The following EBF4 variants were observed in gnomAD, a reference collection of about 807,000 sequenced individuals.
The protein encoded by EBF4 is EBF transcription factor 4.
A neutral mutation model predicts 67.1 loss-of-function variants in EBF4; 34 were observed. That is an observed-to-expected ratio of 0.51 (90% CI 0.39 to 0.67). The LOEUF (loss-of-function observed/expected upper bound fraction) is 0.67. Ranked by LOEUF, EBF4 falls within the 30% of genes least tolerant of loss-of-function variation. The pLI is 0.00. For missense variants in EBF4, 837 were observed against 873.3 expected (o/e 0.96, Z 0.52); for synonymous variants, 387 against 377.7 (o/e 1.02, Z -0.29).
intron 6 of EBF4, among the ~76,000 whole-genome samples, chr20:2,727,888 A>G (rs2087766061): frequency 6.6e-6 from 1 of 152,128 alleles, no homozygotes; most frequent in African/African-American, 2.4e-5. Context: ...TCCGTTGCCT[A>G]TTTTTAAATT....
At chr20:2,704,793 T>A (rs2087427659) in intron 1 of EBF4, among the ~76,000 whole-genome samples, 1 of 152,258 alleles carries the variant, frequency 6.6e-6, no homozygotes, top group Non-Finnish European at 1.5e-5. Flanking sequence ...CCCCAGTTGT[T>A]GCCATGTGTC....
At chr20:2,697,283 C>T (rs946575378) in intron 1 of EBF4, among the ~76,000 whole-genome samples, 11 of 152,174 alleles carry the variant, frequency 7.2e-5, no homozygotes, top group Non-Finnish European at 8.8e-5. Flanking sequence ...CGATGGCTCA[C>T]GCCTGTAATC....
At position 2,756,508 on chromosome 20, in the gene EBF4, C is replaced by T. The variant is rs6115660; in HGVS notation, c.1738+684C>T. ...GGATGTGGGTGGGGCAGAACAGGTC[C>T]TTGTTGATGGGGATGGTGGGGGCCA... On this transcript the variant is annotated intron_variant, in intron 15 of 16. Coordinates refer to ENST00000609451, the Ensembl canonical transcript of EBF4. This position sits in a 1 kb window ranked among gnomAD's most constrained non-coding sequence, Gnocchi z 4.5. Among the ~76,000 whole-genome samples, 2 of 152,272 alleles carry T rather than the reference C, an allele frequency of 1.3e-5. No homozygotes were observed.
chr20:2,716,213 C>T (rs1255722716), intron 6 of EBF4, among the ~76,000 whole-genome samples: 2 of 140,490 alleles, frequency 1.4e-5, no homozygotes, highest in Non-Finnish European at 3.0e-5. Context: ...AGAGTAAGAC[C>T]CTGTCTTAAA....
chr20:2,711,199 ATGG>A (rs1211117448), intron 6 of EBF4, among the ~76,000 whole-genome samples: 2 of 151,292 alleles, frequency 1.3e-5, no homozygotes, highest in Non-Finnish European at 2.9e-5. Context: ...TAAAATTAAA[ATGG>A]TGGCAGGAAG....
intron 6 of EBF4, 58 bp from the exon 7 acceptor site, chr20:2,748,486 GTTGGA>G: frequency 6.7e-7 from 1 of 1,484,058 alleles, no homozygotes; most frequent in African/African-American, 1.4e-5. Context: ...GCAGGGAGCA[GTTGGA>G]TCTTCATCTG....
At chr20:2,703,576 G>A (rs1257636592) in intron 1 of EBF4, among the ~76,000 whole-genome samples, 1 of 151,958 alleles carries the variant, frequency 6.6e-6, no homozygotes, top group Non-Finnish European at 1.5e-5. Flanking sequence ...GAGGCAGCGG[G>A]ATCATTTGAG....
intron 7 of EBF4, 76 bp from the exon 8 acceptor site, chr20:2,749,325 T>C (rs2146496707): frequency 8.8e-7 from 1 of 1,131,058 alleles, no homozygotes; most frequent in African/African-American, 1.6e-5. Flanking sequence ...AGCCTCAAGG[T>C]GCTGGTTCCC....
Position 2,755,914 on chromosome 20 carries a change from C to T in EBF4, c.1738+90C>T. 1.6e-6 allele frequency: 2 copies of T among 1,255,084 alleles called. No individual in the cohort carries two copies. Among genetic ancestry groups the T allele is most frequent in the South Asian group, 2.9e-5 (2 of 68,090 alleles). The allele number at this position is 1,255,084 out of a possible 1,614,324, so 77.7% of individuals were successfully genotyped here. On this transcript the variant is annotated intron_variant, in intron 15 of 16. Transcript: ENST00000609451. The surrounding 1 kb of genome is among the most constrained non-coding windows in gnomAD (Gnocchi z 4.7). ...AGGGGCCTGCTCTGTCCACATCTCA[C>T]CAGTGCCTCATGCTGGCTAACCTGC...
At chr20:2,731,053 C>A (rs2087807520) in intron 6 of EBF4, among the ~76,000 whole-genome samples, 1 of 152,136 alleles carries the variant, frequency 6.6e-6, no homozygotes, top group Non-Finnish European at 1.5e-5. Flanking sequence ...TATGTGCCAC[C>A]ATGCTTAGCT....
chr20:2,718,996 C>G (rs1316757012), intron 6 of EBF4, among the ~76,000 whole-genome samples: 2 of 152,182 alleles, frequency 1.3e-5, no homozygotes, highest in African/African-American at 4.8e-5. Context: ...AGAATGCTTT[C>G]AAATTTCCCT....
At chr20:2,706,661 G>A (rs1272539815) in intron 4 of EBF4, among the ~76,000 whole-genome samples, 2 of 152,102 alleles carry the variant, frequency 1.3e-5, no homozygotes, top group Admixed American at 1.3e-4. Context: ...CAAGTACCAG[G>A]ATTTTGCACC....
Position 2,755,621 on chromosome 20 carries a change from C to A in EBF4, c.1541-6C>A. On this transcript the variant is annotated splice_polypyrimidine_tract_variant and splice_region_variant and intron_variant, in intron 14 of 16. Coordinates refer to ENST00000609451, the Ensembl canonical transcript of EBF4. This position sits in a 1 kb window ranked among gnomAD's most constrained non-coding sequence, Gnocchi z 4.7. The stretch of plus-strand genomic sequence containing the variant: ...TGCGCCTGCCCCTCCCCGCCCCGCC[C>A]CGGAGTCATGCCCTCTAGCCCCCCG... The A allele has an allele frequency of 6.9e-7, 1 of 1,448,114 alleles. No individual in the cohort carries two copies. Among genetic ancestry groups the A allele is most frequent in the Non-Finnish European group, 9.5e-7 (1 of 1,055,124 alleles). The allele number at this position is 1,448,114 out of a possible 1,614,324, so 89.7% of individuals were successfully genotyped here.
Position 2,755,684 on chromosome 20 carries a change from C to T in EBF4, c.1598C>T (p.Ala533Val). The change falls in exon 15 of 17, where the codon GCC becomes GTC. Residue 533 changes from alanine (A) to valine (V), a missense_variant. Transcript: ENST00000609451. The surrounding 1 kb of genome is among the most constrained non-coding windows in gnomAD (Gnocchi z 4.7). The stretch of plus-strand genomic sequence containing the variant: ...TCCTCCATGTCCCTCCCGGCCGCTG[C>T]CCCCACCACCAGCGTGTTCTCCTTC... The T allele has an allele frequency of 1.9e-6, 3 of 1,548,836 alleles. No homozygotes were observed. Among genetic ancestry groups the T allele is most frequent in the Non-Finnish European group, 2.6e-6 (3 of 1,145,978 alleles).
At chr20:2,725,802 G>A (rs184195634) in intron 6 of EBF4, among the ~76,000 whole-genome samples, 44 of 152,306 alleles carry the variant, frequency 2.9e-4, no homozygotes, top group Non-Finnish European at 5.4e-4. Flanking sequence ...CTCCATCCCG[G>A]TGTTTATATT....
rs2087477118 is a variant in EBF4 at position 2,707,601 on chromosome 20, G to T, written c.415-346G>T. Reference sequence around the variant, plus strand: ...GGATGCTGGGGGAGGGGAGGGGCCTGGTGCTGGGTGGGCACAGGAGTATGT... The same window carrying T: ...GGATGCTGGGGGAGGGGAGGGGCCTTGTGCTGGGTGGGCACAGGAGTATGT... On this transcript the variant is annotated intron_variant, in intron 4 of 16. Coordinates refer to ENST00000609451, the Ensembl canonical transcript of EBF4. This position sits in a 1 kb window ranked among gnomAD's most constrained non-coding sequence, Gnocchi z 4.6. 6.6e-6 allele frequency among the ~76,000 whole-genome samples: 1 copy of T among 152,048 alleles called. No individual in the cohort carries two copies. The highest frequency in any genetic ancestry group is 6.6e-5 in the Admixed American group (1 of 15,264).
intron 14 of EBF4, among the ~76,000 whole-genome samples, chr20:2,753,688 C>T (rs535542654): frequency 4.6e-5 from 7 of 152,354 alleles, no homozygotes; most frequent in African/African-American, 1.4e-4. Context: ...TTGCCATTGC[C>T]GAGACTGCAC....
At chr20:2,749,481 G>C in exon 8 of EBF4, 2 of 1,548,764 alleles carry the variant, frequency 1.3e-6, no homozygotes, top group Non-Finnish European at 1.7e-6. Flanking sequence ...ACAACTCCAA[G>C]CATGGCCGCA....
At chr20:2,695,398 C>T (rs2087274303) in intron 1 of EBF4, among the ~76,000 whole-genome samples, 1 of 152,186 alleles carries the variant, frequency 6.6e-6, no homozygotes, top group Admixed American at 6.5e-5. Flanking sequence ...GAGCATGGGC[C>T]ACAGCAGTGG....
Sources: allele counts gnomAD v4.1 joint callset (sites outside exome capture counted in the v4.1 genomes callset), GRCh38; gene constraint gnomAD v4.1.1; non-coding constraint Gnocchi (gnomAD v3.1); transcripts MANE v1.5; gene names NCBI Gene and HGNC (gene_info 2026-07-23, HGNC 2026-07-21).